ADAMTS19: variants seen among roughly 807,000 people sequenced by gnomAD.
The protein encoded by ADAMTS19 is A disintegrin and metalloproteinase with thrombospondin motifs 19.
ADAMTS19 carries 93 observed loss-of-function variants against 153.3 expected under a neutral mutation model. The observed-to-expected ratio is 0.61, with a 90% CI of 0.51 to 0.72. The LOEUF is 0.72. Among genes scored for constraint, ADAMTS19 ranks in the 30% least tolerant of loss-of-function variants. The probability of loss-of-function intolerance (pLI) is 0.00; values close to 1 mark genes in which losing one functional copy is unlikely to be tolerated. For missense variants in ADAMTS19, 1,482 were observed against 1,552.1 expected (o/e 0.95, Z 0.76); for synonymous variants, 600 against 556.6 (o/e 1.08, Z -1.10).
intron 6 of ADAMTS19, among the ~76,000 whole-genome samples, chr5:129,540,705 T>C (rs534069177): frequency 4.6e-5 from 7 of 152,168 alleles, no homozygotes; most frequent in Non-Finnish European, 1.0e-4. Flanking sequence ...TATAGGTATA[T>C]CCCCAGGCAC....
intron 3 of ADAMTS19, among the ~76,000 whole-genome samples, chr5:129,523,599 AG>A (rs1444830551): frequency 6.6e-6 from 1 of 152,176 alleles, no homozygotes; most frequent in Non-Finnish European, 1.5e-5. Context: ...ACCTCAATAA[AG>A]CTGTTATAAT....
In ADAMTS19 at chr5:129,537,396, T is replaced by C. The variant is rs547007813; in HGVS notation, c.1328+8719T>C. 3.9e-5 allele frequency among the ~76,000 whole-genome samples: 6 copies of C among 152,266 alleles called. No homozygotes were observed. The East Asian group carries it at 1.2e-3, about 29-fold the overall frequency. ...TTCCTCAGGGATCTAGAACTACAAA[T>C]ACCATTTGACCCAGCCATCCCATTA... On this transcript the variant is annotated intron_variant, in intron 6 of 22. Transcript: ENST00000274487.
At chr5:129,510,138 G>A (rs1053860179) in intron 3 of ADAMTS19, among the ~76,000 whole-genome samples, 3 of 151,624 alleles carry the variant, frequency 2.0e-5, no homozygotes, top group Non-Finnish European at 4.4e-5. Context: ...AATTTGACTT[G>A]CAGATTTTAA....
intron 17 of ADAMTS19, among the ~76,000 whole-genome samples, chr5:129,681,841 C>T (rs935981701): frequency 7.2e-5 from 11 of 151,940 alleles, no homozygotes; most frequent in Admixed American, 3.3e-4. Context: ...TGCCATCTAG[C>T]GAGAGAAAAT....
At chr5:129,487,788 T>A (rs1014852945) in intron 2 of ADAMTS19, among the ~76,000 whole-genome samples, 1 of 152,212 alleles carries the variant, frequency 6.6e-6, no homozygotes, top group East Asian at 1.9e-4. Context: ...GTAGGAGAGG[T>A]CTGTGGCATT....
intron 3 of ADAMTS19, among the ~76,000 whole-genome samples, chr5:129,525,784 G>A (rs1561551316): frequency 6.6e-6 from 1 of 151,986 alleles, no homozygotes. Flanking sequence ...GGAAAGTGGA[G>A]CTGAATCCTT....
chr5:129,535,350 A>C (rs1161099755), intron 6 of ADAMTS19, among the ~76,000 whole-genome samples: 2 of 152,196 alleles, frequency 1.3e-5, no homozygotes, highest in African/African-American at 4.8e-5. Context: ...AATCCAACTT[A>C]CAAGGGGTGT....
At chr5:129,566,954 C>T (rs1254833327) in intron 7 of ADAMTS19, among the ~76,000 whole-genome samples, 6 of 90,034 alleles carry the variant, frequency 6.7e-5, no homozygotes, top group Middle Eastern at 5.6e-3. Context: ...AGGTAACTAA[C>T]TCCATACTTT....
rs529444004 is a variant in ADAMTS19, at chr5:129,645,885, A to ATTTTTTTTTTTTTTTTTTTTTT, written c.1873-1859_1873-1858insTTTTTTTTTTTTTTTTTTTTTT. 1.2e-3 allele frequency among the ~76,000 whole-genome samples: 115 copies of ATTTTTTTTTTTTTTTTTTTTTT among 97,088 alleles called. 5 individuals carry two copies. Among genetic ancestry groups the ATTTTTTTTTTTTTTTTTTTTTT allele is most frequent in the Non-Finnish European group, 1.4e-3 (71 of 51,126 alleles). The allele number at this position is 97,088 out of a possible 152,430, so 63.7% of individuals were successfully genotyped here. A position where few individuals can be genotyped will look rare whatever the true frequency, so the allele number is the denominator to read the frequency against. On this transcript the variant is annotated intron_variant, in intron 11 of 22. Coordinates refer to ENST00000274487, the MANE Select transcript of ADAMTS19 (RefSeq NM_133638.6). ...CACATGGTTTCTTTCTCCTTTTCCAATTTTTTTTTTTTTTTTTTTTTGAGA... is the reference window on the plus strand; with the variant it reads ...CACATGGTTTCTTTCTCCTTTTCCAATTTTTTTTTTTTTTTTTTTTTTTTTTTTTTTTTTTTTTTTTTTGAGA...
intron 3 of ADAMTS19, among the ~76,000 whole-genome samples, chr5:129,522,346 T>TATATATATAC (rs1554089312): frequency 1.4e-4 from 17 of 122,398 alleles, no homozygotes; most frequent in African/African-American, 5.3e-4. Context: ...TATATATATA[T>TATATATATAC]ATATATATAT....
chr5:129,717,954 G>C (rs1048428592), intron 21 of ADAMTS19, among the ~76,000 whole-genome samples: 3 of 152,112 alleles, frequency 2.0e-5, no homozygotes, highest in Admixed American at 2.0e-4. Context: ...GAAATTTAAT[G>C]ATTGTCATTC....
At position 129,734,717 on chromosome 5, in the gene ADAMTS19, A is replaced by T. The variant is rs556325745; in HGVS notation, c.3313-215A>T. ...TACTCTTATGTCCTTTTCATTACCC[A>T]AAACTCTGTCTCAGATCAGCCAGAG... is the stretch of plus-strand genomic sequence containing the variant. On this transcript the variant is annotated intron_variant, in intron 21 of 22. Coordinates refer to ENST00000274487, the MANE Select transcript of ADAMTS19 (RefSeq NM_133638.6). Among the ~76,000 whole-genome samples, 48 of 152,004 alleles carry T rather than the reference A, an allele frequency of 3.2e-4. 1 individual carries two copies. Among genetic ancestry groups the T allele is most frequent in the African/African-American group, 1.1e-3 (46 of 41,540 alleles).
intron 7 of ADAMTS19, among the ~76,000 whole-genome samples, chr5:129,562,377 C>T (rs535721652): frequency 1.3e-5 from 2 of 152,246 alleles, no homozygotes; most frequent in South Asian, 2.1e-4. Context: ...TGGGAGTAAG[C>T]GGCAGTGAAT....
In ADAMTS19 at chr5:129,658,342, A is replaced by AG. The variant is rs1342471987; in HGVS notation, c.2305-275_2305-274insG. On this transcript the variant is annotated intron_variant, in intron 14 of 22. Coordinates refer to ENST00000274487, the MANE Select transcript of ADAMTS19 (RefSeq NM_133638.6). ...GAAAGAAAGAAAGAAAGAAAGAAAG[A>AG]AAGAAAGAAAGAAAGAAAGAAAGAA... 8.6e-4 allele frequency among the ~76,000 whole-genome samples: 128 copies of AG among 148,010 alleles called. 3 individuals are homozygous for AG. The highest frequency in any genetic ancestry group is 2.1e-3 in the Admixed American group (31 of 14,928).
intron 8 of ADAMTS19, among the ~76,000 whole-genome samples, chr5:129,617,449 C>A (rs1031421932): frequency 6.6e-5 from 10 of 152,000 alleles, no homozygotes; most frequent in African/African-American, 2.4e-4. Context: ...TGGAAGCAAT[C>A]CCTCTCCTTC....
chr5:129,655,539 C>T (rs25820), intron 14 of ADAMTS19, among the ~76,000 whole-genome samples: 62,783 of 151,838 alleles, frequency 0.41, 14,328 homozygotes, highest in African/African-American at 0.62. Context: ...ATCTGTAAAA[C>T]AAAGTTGGTA....
intron 2 of ADAMTS19, among the ~76,000 whole-genome samples, chr5:129,467,599 C>T (rs767252980): frequency 1.3e-5 from 2 of 152,090 alleles, no homozygotes; most frequent in Non-Finnish European, 2.9e-5. Context: ...GTCAGATTGA[C>T]TTTAGAGGAT....
chr5:129,476,760 G>A (rs1291749844), intron 2 of ADAMTS19, among the ~76,000 whole-genome samples: 1 of 152,148 alleles, frequency 6.6e-6, no homozygotes, highest in Non-Finnish European at 1.5e-5. Context: ...ATTTATTAAT[G>A]AGATAAAGAA....
At chr5:129,682,182 G>A (rs1479728470) in intron 17 of ADAMTS19, among the ~76,000 whole-genome samples, 1 of 152,178 alleles carries the variant, frequency 6.6e-6, no homozygotes, top group African/African-American at 2.4e-5. Flanking sequence ...ATTAAACTCA[G>A]TGAACTATGT....
Sources: allele counts gnomAD v4.1 joint callset (sites outside exome capture counted in the v4.1 genomes callset), GRCh38; gene constraint gnomAD v4.1.1; transcripts MANE v1.5; gene names NCBI Gene and HGNC (gene_info 2026-07-23, HGNC 2026-07-21).